Variants in DCT observed in about 807,000 individuals in gnomAD.
DCT encodes the protein L-dopachrome tautomerase.
In DCT, 47 loss-of-function variants were observed where a neutral mutation model predicts 53.0. The observed-to-expected ratio is 0.89, with a 90% CI of 0.70 to 1.13. The LOEUF (loss-of-function observed/expected upper bound fraction) is 1.13, where lower values mean the gene tolerates loss of function less well. Ranked by LOEUF, DCT falls within the 50% of genes most tolerant of loss-of-function variation. The pLI is 0.00. For synonymous variants in DCT, 244 were observed against 237.0 expected, an observed-to-expected ratio of 1.03 and a Z score of -0.27; for missense variants, 669 against 637.4, an observed-to-expected ratio of 1.05 and a Z score of -0.53.
chr13:94,453,286 G>A (rs1182903935), intron 6 of DCT, among the ~76,000 whole-genome samples: 1 of 151,830 alleles, frequency 6.6e-6, no homozygotes, highest in Non-Finnish European at 1.5e-5. Context: ...AGATATTGAG[G>A]GATGACTATA....
the DCT span, among the ~76,000 whole-genome samples, chr13:94,525,975 A>G: frequency 1.3e-4 from 20 of 152,264 alleles, no homozygotes; most frequent in Non-Finnish European, 1.6e-4. Context: ...CCCAAAGGCC[A>G]TGATGATTAT....
chr13:94,520,376 C>CT, the DCT span, among the ~76,000 whole-genome samples: 2 of 152,290 alleles, frequency 1.3e-5, no homozygotes, highest in East Asian at 1.9e-4. Flanking sequence ...CAATTAACCT[C>CT]TTTTTTCTGG....
At position 94,476,303 on chromosome 13, in the gene DCT, T is replaced by G. The variant is rs148710448; in HGVS notation, c.295+2658A>C. On this transcript the variant is annotated intron_variant, in intron 1 of 7. Coordinates refer to ENST00000377028, the MANE Select transcript of DCT (RefSeq NM_001922.5). ...AGGGAAATAGCAATGATCCCTTCTA[T>G]TCTTTCTATCCCTACCTAAAACAAA... Among the ~76,000 whole-genome samples, 730 of 151,356 alleles carry G rather than the reference T, an allele frequency of 4.8e-3. 5 individuals carry two copies. Among genetic ancestry groups the G allele is most frequent in the African/African-American group, 0.016 (667 of 41,256 alleles).
At chr13:94,467,836 G>A (rs1346374900) in intron 2 of DCT, 2 of 152,060 alleles carry the variant, frequency 1.3e-5, no homozygotes, top group African/African-American at 4.8e-5. Context: ...CCCAATGAAG[G>A]ACCCCAAAAA....
the DCT span, among the ~76,000 whole-genome samples, chr13:94,504,749 C>T: frequency 6.6e-6 from 1 of 152,148 alleles, no homozygotes; most frequent in African/African-American, 2.4e-5. Flanking sequence ...CCAAAATGCC[C>T]ATAAGCAACC....
At chr13:94,446,498 T>C (rs1882743176) in intron 6 of DCT, among the ~76,000 whole-genome samples, 1 of 152,186 alleles carries the variant, frequency 6.6e-6, no homozygotes. Context: ...TAGTGAGTAT[T>C]TATTAGTGTT....
chr13:94,515,038 A>G, the DCT span, among the ~76,000 whole-genome samples: 9 of 152,324 alleles, frequency 5.9e-5, no homozygotes, highest in African/African-American at 2.2e-4. Flanking sequence ...CCCTTAGAAA[A>G]GAGACTGCAG....
At position 94,479,120 on chromosome 13, in the gene DCT, C is replaced by A; in HGVS notation, c.136G>T (p.Ala46Ser). ...GAGCCACAGACATTGGCCGACTCTG[C>A]ACCCAGGCGTGGGCAGCACTCCTTG... Reference protein sequence around the residue: ...VNKECCPRLGAESANVCGSQQ... With the variant: ...VNKECCPRLGSESANVCGSQQ... Residue 46 changes from alanine to serine, a missense_variant, in exon 1 of 8, where the codon GCA becomes TCA. Ala to Ser is a moderately conservative substitution (Grantham distance 99, BLOSUM62 1). Transcript: ENST00000377028. The A allele has an allele frequency of 1.9e-6, 3 of 1,614,232 alleles. No individual in the cohort carries two copies. The highest frequency in any genetic ancestry group is 2.5e-6 in the Non-Finnish European group (3 of 1,180,038).
At chr13:94,449,157 A>G (rs966677273) in intron 6 of DCT, among the ~76,000 whole-genome samples, 1 of 152,118 alleles carries the variant, frequency 6.6e-6, no homozygotes, top group Non-Finnish European at 1.5e-5. Flanking sequence ...TGGGCTTTCA[A>G]GGTAAAGATT....
At chr13:94,484,929 A>G in the DCT span, among the ~76,000 whole-genome samples, 2 of 152,046 alleles carry the variant, frequency 1.3e-5, no homozygotes, top group Non-Finnish European at 2.9e-5. Context: ...CCTCTGTCCA[A>G]TGTTGTCATA....
In DCT at chr13:94,468,828, TC is replaced by T; in HGVS notation, c.512del (p.Gly171GlufsTer28). On this transcript the variant is annotated frameshift_variant, in exon 2 of 8. Coordinates refer to ENST00000377028, the MANE Select transcript of DCT (RefSeq NM_001922.5). LOFTEE classifies it high-confidence loss of function. ...TGCAGTTGGCAAACTGCGGCTGGGT[TC>T]CATTGGGCCCAAGCAGGCCCAGCCA... ...QHWLGLLGPNGTQPQFANCSV... is the reference protein window; with the variant it reads ...QHWLGLLGPNXTQPQFANCSV... 6.2e-7 allele frequency: 1 copy of T among 1,614,200 alleles called. No homozygotes were observed. Among genetic ancestry groups the T allele is most frequent in the South Asian group, 1.1e-5 (1 of 91,086 alleles).
intron 1 of DCT, among the ~76,000 whole-genome samples, chr13:94,474,177 C>T (rs1258412306): frequency 1.3e-5 from 2 of 152,082 alleles, no homozygotes; most frequent in African/African-American, 2.4e-5. Flanking sequence ...ATCAATCTAT[C>T]GACCATTGAG....
At chr13:94,505,280 G>C in the DCT span, among the ~76,000 whole-genome samples, 69 of 151,564 alleles carry the variant, frequency 4.6e-4, no homozygotes, top group African/African-American at 1.6e-3. Context: ...AGGGGAATTA[G>C]GGCTTGGTCT....
the DCT span, among the ~76,000 whole-genome samples, chr13:94,518,161 G>T: frequency 1.1e-3 from 122 of 107,366 alleles, no homozygotes; most frequent in African/African-American, 4.4e-3. Flanking sequence ...AAGGAATGAA[G>T]GAAGGAAGGA....
chr13:94,486,774 A>G, the DCT span, among the ~76,000 whole-genome samples: 1 of 152,178 alleles, frequency 6.6e-6, no homozygotes, highest in Non-Finnish European at 1.5e-5. Context: ...CACATCAAGC[A>G]ACTGATTCAC....
chr13:94,546,443 T>A, the DCT span, among the ~76,000 whole-genome samples: 1 of 152,148 alleles, frequency 6.6e-6, no homozygotes, highest in Non-Finnish European at 1.5e-5. The surrounding 1 kb of genome is among the most constrained non-coding windows in gnomAD (Gnocchi z 4.2). Context: ...ATTGCAATAG[T>A]ACATTATGAT....
At chr13:94,473,004 C>T (rs79219048) in intron 1 of DCT, among the ~76,000 whole-genome samples, 7,854 of 152,194 alleles carry the variant, frequency 0.052, 301 homozygotes, top group Non-Finnish European at 0.079. Flanking sequence ...TTAAGAATCA[C>T]GTCAGTTTTT....
chr13:94,472,540 ATATATATATATATATATATATATATATAT>A (rs1884742168), intron 1 of DCT, among the ~76,000 whole-genome samples: 1 of 38,966 alleles, frequency 2.6e-5, no homozygotes, highest in African/African-American at 1.8e-4. Context: ...ATATATATAT[ATATATATATATATATATATATATATATAT>A]TTTTTTTTTT....
chr13:94,488,299 A>C, the DCT span, among the ~76,000 whole-genome samples: 3 of 152,112 alleles, frequency 2.0e-5, no homozygotes, highest in African/African-American at 7.2e-5. Context: ...CCACCTATAC[A>C]TTTGTAAGAG....
Sources: gnomAD v4.1 joint callset for allele counts (sites outside exome capture counted in the v4.1 genomes callset) on GRCh38, gnomAD v4.1.1 for gene constraint, Gnocchi (gnomAD v3.1) non-coding constraint, MANE v1.5 for transcripts, NCBI Gene and HGNC (gene_info 2026-07-23, HGNC 2026-07-21) for gene names.